The following IL1RAPL1 variants were observed in gnomAD, a reference collection of about 807,000 sequenced individuals.
The protein encoded by IL1RAPL1 is interleukin-1 receptor accessory protein-like 1.
In IL1RAPL1, 3 loss-of-function variants were observed where a neutral mutation model predicts 48.4. The observed-to-expected ratio is 0.06, with a 90% CI of 0.03 to 0.16. The LOEUF (loss-of-function observed/expected upper bound fraction) is 0.16, where lower values mean the gene tolerates loss of function less well. Ranked by LOEUF, IL1RAPL1 falls within the 10% of genes least tolerant of loss-of-function variation. The pLI is 1.00. For missense variants in IL1RAPL1, 349 were observed against 530.6 expected, an observed-to-expected ratio of 0.66 and a Z score of 3.36; for synonymous variants, 185 against 187.7, an observed-to-expected ratio of 0.99 and a Z score of 0.12.
intron 1 of IL1RAPL1, among the ~76,000 whole-genome samples, chrX:28,771,937 C>CAAAAAAAAA (rs5901904): frequency 5.3e-4 from 22 of 41,815 alleles, no homozygotes; most frequent in African/African-American, 1.1e-3. Context: ...GACTCCGTCT[C>CAAAAAAAAA]AAAAAAAAAA....
chrX:28,733,153 T>C (rs192240957), intron 1 of IL1RAPL1, among the ~76,000 whole-genome samples: 1,219 of 107,976 alleles, frequency 0.011, 18 homozygotes, highest in African/African-American at 0.041. Flanking sequence ...TATATATACA[T>C]ACTTAGGACA....
At chrX:29,789,862 A>G (rs138002142) in intron 6 of IL1RAPL1, among the ~76,000 whole-genome samples, 2,641 of 108,821 alleles carry the variant, frequency 0.024, 74 homozygotes, top group African/African-American at 0.084. Flanking sequence ...TCTAACAGAA[A>G]ACATACCATT....
At position 29,152,241 on chromosome X, in the gene IL1RAPL1, C is replaced by T. The variant is rs189113172; in HGVS notation, c.83-130697C>T. ...CCCATCCCCATGATTCAACTACCTCCCACCAGGCCCCTCCCATGCATAACA... is the reference window on the plus strand; with the variant it reads ...CCCATCCCCATGATTCAACTACCTCTCACCAGGCCCCTCCCATGCATAACA... On this transcript the variant is annotated intron_variant, in intron 2 of 10. Coordinates refer to ENST00000378993, the MANE Select transcript of IL1RAPL1 (RefSeq NM_014271.4). Among the ~76,000 whole-genome samples the T allele has an allele frequency of 6.4e-3, 716 of 111,177 alleles. 2 individuals carry two copies. Among genetic ancestry groups the T allele is most frequent in the Non-Finnish European group, 9.5e-3 (502 of 52,984 alleles).
chrX:29,597,211 T>TGGCGCGATATCGGCTCACTGCAAC (rs1923580812), intron 5 of IL1RAPL1, among the ~76,000 whole-genome samples: 1 of 101,440 alleles, frequency 9.9e-6, no homozygotes, highest in Non-Finnish European at 2.0e-5. Flanking sequence ...TGGAGTGCAA[T>TGGCGCGATATCGGCTCACTGCAAC]GGCGCGATAT....
At chrX:29,777,815 GTTAATT>G (rs1182023208) in intron 6 of IL1RAPL1, among the ~76,000 whole-genome samples, 8 of 110,154 alleles carry the variant, frequency 7.3e-5, no homozygotes, top group Admixed American at 2.9e-4. Flanking sequence ...AAATTGTATT[GTTAATT>G]TTAATCTTTT....
chrX:29,579,179 A>T (rs16988692), intron 5 of IL1RAPL1, among the ~76,000 whole-genome samples: 1,544 of 112,367 alleles, frequency 0.014, 25 homozygotes, highest in African/African-American at 0.048. Flanking sequence ...TCTTTTGGGC[A>T]TAAAAAATCA....
intron 5 of IL1RAPL1, among the ~76,000 whole-genome samples, chrX:29,470,127 T>C (rs1569318365): frequency 1.8e-5 from 2 of 112,282 alleles, no homozygotes; most frequent in Non-Finnish European, 1.9e-5. Flanking sequence ...CTGCAGTCCC[T>C]CTCTTCAGGG....
At chrX:29,919,342 C>A (rs754147864) in intron 7 of IL1RAPL1, among the ~76,000 whole-genome samples, 84 of 112,172 alleles carry the variant, frequency 7.5e-4, no homozygotes, top group Non-Finnish European at 1.4e-3. Context: ...TAGTTTAATT[C>A]TGCATTTAAA....
chrX:29,915,538 T>G, intron 6 of IL1RAPL1, among the ~76,000 whole-genome samples: 1 of 110,953 alleles, frequency 9.0e-6, no homozygotes. Context: ...TTAGAAAGAT[T>G]ACATGTAAGT....
chrX:28,677,015 C>A, intron 1 of IL1RAPL1, among the ~76,000 whole-genome samples: 1 of 111,156 alleles, frequency 9.0e-6, no homozygotes, highest in African/African-American at 3.3e-5. Context: ...AAAGTTCTAC[C>A]TTATAAAAGA....
intron 5 of IL1RAPL1, among the ~76,000 whole-genome samples, chrX:29,503,315 G>T (rs756519979): frequency 9.0e-6 from 1 of 111,291 alleles, no homozygotes; most frequent in East Asian, 2.8e-4. Context: ...ATATTCCAGG[G>T]TTTTGTTTGT....
At chrX:29,243,264 T>C (rs1931453170) in intron 2 of IL1RAPL1, among the ~76,000 whole-genome samples, 1 of 112,177 alleles carries the variant, frequency 8.9e-6, no homozygotes, top group Admixed American at 9.4e-5. Flanking sequence ...TAATTTTGAG[T>C]CCACATTCAA....
intron 2 of IL1RAPL1, among the ~76,000 whole-genome samples, chrX:29,236,143 C>T (rs1361464743): frequency 8.9e-6 from 1 of 112,542 alleles, no homozygotes; most frequent in African/African-American, 3.2e-5. Flanking sequence ...AATCATGCTT[C>T]TGCATGGAGA....
intron 2 of IL1RAPL1, among the ~76,000 whole-genome samples, chrX:28,902,124 A>G (rs1923091061): frequency 9.1e-6 from 1 of 110,252 alleles, no homozygotes; most frequent in South Asian, 3.8e-4. Flanking sequence ...GCTTCCTCCC[A>G]TTCATGTTTG....
intron 1 of IL1RAPL1, among the ~76,000 whole-genome samples, chrX:28,752,949 C>T (rs1182504060): frequency 8.9e-6 from 1 of 112,595 alleles, no homozygotes; most frequent in Non-Finnish European, 1.9e-5. Flanking sequence ...AGCATACATA[C>T]TACTCTCTCT....
chrX:29,314,197 G>C (rs1474449008), intron 3 of IL1RAPL1, among the ~76,000 whole-genome samples: 1 of 112,011 alleles, frequency 8.9e-6, no homozygotes, highest in African/African-American at 3.2e-5. Context: ...GTTCTCTGAA[G>C]ACAGTGGTTG....
At chrX:28,942,650 T>TAAA (rs753157765) in intron 2 of IL1RAPL1, 1 of 60,508 alleles carries the variant, frequency 1.7e-5, no homozygotes, top group African/African-American at 6.0e-5. Flanking sequence ...CATCTAATAG[T>TAAA]AAAAAAAAAA....
At chrX:29,905,890 A>G (rs933472669) in intron 6 of IL1RAPL1, among the ~76,000 whole-genome samples, 2 of 111,666 alleles carry the variant, frequency 1.8e-5, no homozygotes, top group African/African-American at 6.5e-5. Flanking sequence ...CAAAGGAAAT[A>G]TCAAAGCAGC....
intron 3 of IL1RAPL1, among the ~76,000 whole-genome samples, chrX:29,298,194 T>C (rs1035279339): frequency 8.9e-6 from 1 of 112,233 alleles, no homozygotes; most frequent in Non-Finnish European, 1.9e-5. Flanking sequence ...AGCACAGCAG[T>C]GAATTAAACC....
Sources: allele counts gnomAD v4.1 joint callset (sites outside exome capture counted in the v4.1 genomes callset), GRCh38; gene constraint gnomAD v4.1.1; transcripts MANE v1.5; gene names NCBI Gene and HGNC (gene_info 2026-07-23, HGNC 2026-07-21).